PPP1R21: variants seen among roughly 807,000 people sequenced by gnomAD.
PPP1R21 encodes KLRAQ motif containing 1.
In PPP1R21, 85 loss-of-function variants were observed where a neutral mutation model predicts 112.8. The ratio of observed to expected loss-of-function variants is 0.75; its 90% CI spans 0.63 to 0.90. The LOEUF (loss-of-function observed/expected upper bound fraction) is 0.90. Ranked by LOEUF, PPP1R21 falls within the 40% of genes least tolerant of loss-of-function variation. PPP1R21 has a pLI of 0.00. For missense variants in PPP1R21, 1,199 were observed against 901.5 expected, an observed-to-expected ratio of 1.33 and a Z score of -4.23; for synonymous variants, 381 against 322.3, an observed-to-expected ratio of 1.18 and a Z score of -1.95.
chr2:48,498,704 C>G lies in PPP1R21; in HGVS notation c.1904C>G (p.Ala635Gly), dbSNP rs1227318227. The change falls in exon 17 of 22, where the codon GCT (alanine) becomes GGT (glycine). Residue 635 changes from alanine to glycine, a missense_variant. Ala to Gly is a moderately conservative substitution (Grantham distance 60, BLOSUM62 0). Coordinates refer to ENST00000294952, the MANE Select transcript of PPP1R21 (RefSeq NM_001135629.3). ...GGCCAGGATGAAGCCACAGCTAAGG[C>G]TGTGTTGGAGCCCATTCAGAGCACC... ...TAGQDEATAK[A>G]VLEPIQSTSL... 9 of 1,614,186 alleles carry G rather than the reference C, an allele frequency of 5.6e-6. No individual in the cohort carries two copies. The East Asian group carries it at 1.6e-4, about 28-fold the overall frequency.
At chr2:48,512,889 T>G (rs1670704008) in intron 21 of PPP1R21, among the ~76,000 whole-genome samples, 1 of 152,206 alleles carries the variant, frequency 6.6e-6, no homozygotes, top group African/African-American at 2.4e-5. Flanking sequence ...TTATTCCATA[T>G]TCCAGCAGAG....
At chr2:48,484,237 A>G (rs1365926113) in intron 13 of PPP1R21, among the ~76,000 whole-genome samples, 1 of 152,110 alleles carries the variant, frequency 6.6e-6, no homozygotes, top group Admixed American at 6.6e-5. Flanking sequence ...TCCTATACCA[A>G]TAAACTGGAT....
chr2:48,446,466 G>C (rs1558412316), intron 1 of PPP1R21, among the ~76,000 whole-genome samples: 2 of 152,110 alleles, frequency 1.3e-5, no homozygotes, highest in Non-Finnish European at 2.9e-5. Flanking sequence ...GTGTCCAATA[G>C]GATCATGAGG....
At chr2:48,478,864 T>G (rs760388572) in intron 12 of PPP1R21, among the ~76,000 whole-genome samples, 17 of 152,356 alleles carry the variant, frequency 1.1e-4, no homozygotes, top group Admixed American at 3.9e-4. Flanking sequence ...TATTACAAAT[T>G]AAGTCAGTTC....
chr2:48,442,443 C>T (rs1667072569), intron 1 of PPP1R21, among the ~76,000 whole-genome samples: 1 of 152,148 alleles, frequency 6.6e-6, no homozygotes, highest in African/African-American at 2.4e-5. Flanking sequence ...GCTGAAATAA[C>T]TGTATAGCCT....
intron 13 of PPP1R21, among the ~76,000 whole-genome samples, chr2:48,484,192 C>T (rs1669169055): frequency 6.6e-6 from 1 of 152,168 alleles, no homozygotes; most frequent in Admixed American, 6.5e-5. Flanking sequence ...CACCCAAGAC[C>T]ATGCTTGTGT....
intron 3 of PPP1R21, among the ~76,000 whole-genome samples, chr2:48,455,979 C>T (rs77558532): frequency 1.0e-4 from 14 of 139,896 alleles, no homozygotes; most frequent in African/African-American, 3.0e-4. Flanking sequence ...CAGGCCACTG[C>T]GCTCCGACCT....
chr2:48,492,319 T>C (rs1310600777), intron 15 of PPP1R21, among the ~76,000 whole-genome samples: 1 of 152,208 alleles, frequency 6.6e-6, no homozygotes, highest in Non-Finnish European at 1.5e-5. Context: ...CCTTCACTTT[T>C]CTTTTGTTCT....
chr2:48,486,795 T>C (rs1164096234), intron 14 of PPP1R21, 37 bp downstream of exon 14: 1 of 1,581,092 alleles, frequency 6.3e-7, no homozygotes, highest in Admixed American at 1.9e-5. Context: ...GTTAAAACTC[T>C]TAAATATGTG....
At chr2:48,478,411 A>G (rs924625516) in intron 12 of PPP1R21, among the ~76,000 whole-genome samples, 3 of 152,158 alleles carry the variant, frequency 2.0e-5, no homozygotes, top group African/African-American at 7.2e-5. Context: ...TTGTGCCATG[A>G]TGTTGCTTCT....
chr2:48,486,802 T>G, intron 14 of PPP1R21, 44 bp downstream of exon 14: 1 of 1,573,486 alleles, frequency 6.4e-7, no homozygotes, highest in Non-Finnish European at 8.6e-7. Context: ...CTCTTAAATA[T>G]GTGCTTTTTT....
At chr2:48,512,985 T>C (rs745394798) in intron 21 of PPP1R21, among the ~76,000 whole-genome samples, 17 of 152,214 alleles carry the variant, frequency 1.1e-4, no homozygotes, top group African/African-American at 4.1e-4. Flanking sequence ...TCTCATGGTA[T>C]GTATAATTTG....
At chr2:48,505,670 A>G in intron 18 of PPP1R21, 74 bp downstream of exon 18, 1 of 1,243,324 alleles carries the variant, frequency 8.0e-7, no homozygotes, top group Non-Finnish European at 1.2e-6. Context: ...GTCCTGCAAA[A>G]GCCATCTTTG....
intron 20 of PPP1R21, among the ~76,000 whole-genome samples, chr2:48,511,041 T>A (rs1052545472): frequency 3.3e-5 from 5 of 152,268 alleles, no homozygotes; most frequent in South Asian, 2.1e-4. Flanking sequence ...AGAATTTTTT[T>A]AAAAAATTGA....
Position 48,514,991 on chromosome 2 carries a change from T to G in PPP1R21, c.*247T>G. The G allele has an allele frequency of 2.1e-6, 1 of 486,246 alleles. No homozygotes were observed. The highest frequency in any genetic ancestry group is 3.6e-6 in the Non-Finnish European group (1 of 277,502). The allele number at this position is 486,246 out of a possible 1,614,324, so 30.1% of individuals were successfully genotyped here. ...ACGTATGTCATGGATATTGTAGGTTTCCTTATGCTGTTTTTACTGTGCACT... is the reference window on the plus strand; with the variant it reads ...ACGTATGTCATGGATATTGTAGGTTGCCTTATGCTGTTTTTACTGTGCACT... On this transcript the variant is annotated 3_prime_UTR_variant, in exon 22 of 22. Coordinates refer to ENST00000294952, the MANE Select transcript of PPP1R21 (RefSeq NM_001135629.3).
chr2:48,446,200 C>A (rs957729914), intron 1 of PPP1R21, among the ~76,000 whole-genome samples: 2 of 152,208 alleles, frequency 1.3e-5, no homozygotes, highest in Non-Finnish European at 2.9e-5. Context: ...TGATTCATCT[C>A]ACTTTCCCCA....
At chr2:48,444,553 C>G (rs2103728944) in intron 1 of PPP1R21, among the ~76,000 whole-genome samples, 1 of 152,342 alleles carries the variant, frequency 6.6e-6, no homozygotes, top group Admixed American at 6.5e-5. Context: ...GCACTCTTGC[C>G]TGGCACCGTG....
At chr2:48,502,900 T>C (rs956186577) in intron 17 of PPP1R21, among the ~76,000 whole-genome samples, 7 of 152,084 alleles carry the variant, frequency 4.6e-5, no homozygotes, top group African/African-American at 1.7e-4. Context: ...CAGGATGGCC[T>C]CAATCTCCTG....
rs371400185 is a variant in PPP1R21, at chr2:48,471,200, C to G, written c.999+12C>G. ...CTGTGACTGTCTTGGTAATTTTCTT[C>G]CTTGTTTTACTTCTGGAAACTGGGA... On this transcript the variant is annotated intron_variant, in intron 10 of 21. Coordinates refer to ENST00000294952, the MANE Select transcript of PPP1R21 (RefSeq NM_001135629.3). 6.8e-6 allele frequency: 11 copies of G among 1,607,098 alleles called. No individual in the cohort carries two copies. The highest frequency in any genetic ancestry group is 2.6e-6 in the Non-Finnish European group (3 of 1,174,106).
Sources: allele counts gnomAD v4.1 joint callset (sites outside exome capture counted in the v4.1 genomes callset), GRCh38; gene constraint gnomAD v4.1.1; transcripts MANE v1.5; gene names NCBI Gene and HGNC (gene_info 2026-07-23, HGNC 2026-07-21).